SLC9A2: variants seen among roughly 807,000 people sequenced by gnomAD.
SLC9A2 encodes sodium/hydrogen exchanger 2.
A neutral mutation model predicts 71.7 loss-of-function variants in SLC9A2; 42 were observed. The observed-to-expected ratio is 0.59, with a 90% CI of 0.46 to 0.76. The LOEUF (loss-of-function observed/expected upper bound fraction) is 0.76. SLC9A2 is among the 30% of genes least tolerant of loss of function. SLC9A2 has a pLI of 0.00. For synonymous variants in SLC9A2, 396 were observed against 392.5 expected (o/e 1.01, Z -0.10); for missense variants, 829 against 1,017.4 (o/e 0.81, Z 2.52).
intron 3 of SLC9A2, among the ~76,000 whole-genome samples, chr2:102,678,445 T>C (rs1474955269): frequency 6.6e-6 from 1 of 152,138 alleles, no homozygotes; most frequent in South Asian, 2.1e-4. Context: ...AATAGTTTTA[T>C]TTTGAAGCTT....
intron 1 of SLC9A2, among the ~76,000 whole-genome samples, chr2:102,633,902 GCA>G (rs558467496): frequency 5.3e-4 from 80 of 152,130 alleles, no homozygotes; most frequent in Admixed American, 9.2e-4. Context: ...ATGTTTCATT[GCA>G]CACACATACA....
At chr2:102,694,945 G>A in intron 6 of SLC9A2, 98 bp from the exon 7 acceptor site, 1 of 963,854 alleles carries the variant, frequency 1.0e-6, no homozygotes, top group Non-Finnish European at 1.6e-6. Flanking sequence ...AGAAGCAAAA[G>A]CCATGAAGGT....
At position 102,710,591 on chromosome 2, in the gene SLC9A2, C is replaced by A. The variant is rs1276522787; in HGVS notation, c.*2102C>A. 6.6e-6 allele frequency: 1 copy of A among 152,152 alleles called. No homozygotes were observed. Among genetic ancestry groups the A allele is most frequent in the Non-Finnish European group, 1.5e-5 (1 of 68,016 alleles). The allele number at this position is 152,152 out of a possible 1,614,324, so 9.4% of individuals were successfully genotyped here. On this transcript the variant is annotated 3_prime_UTR_variant, in exon 12 of 12. Coordinates refer to ENST00000233969, the MANE Select transcript of SLC9A2 (RefSeq NM_003048.6). ...ACTATGTATAAAGGAAAACTTAAAT[C>A]TTAATTATTATCAGTTTAAATTTTT...
chr2:102,653,846 G>A (rs1047234070), intron 1 of SLC9A2, among the ~76,000 whole-genome samples: 30 of 152,142 alleles, frequency 2.0e-4, no homozygotes, highest in Admixed American at 1.8e-3. Flanking sequence ...GTTTTCTCTT[G>A]CCTTCTTACA....
At chr2:102,658,833 A>G (rs1676996602) in intron 2 of SLC9A2, among the ~76,000 whole-genome samples, 2 of 152,122 alleles carry the variant, frequency 1.3e-5, no homozygotes, top group African/African-American at 4.8e-5. Context: ...TGTGTCCACC[A>G]GTTAAAGACA....
At chr2:102,673,149 G>A (rs17027695) in intron 3 of SLC9A2, among the ~76,000 whole-genome samples, 8,817 of 152,058 alleles carry the variant, frequency 0.058, 511 homozygotes, top group African/African-American at 0.15. Flanking sequence ...GTGTCTTAGT[G>A]TCTTCTGGTA....
intron 10 of SLC9A2, 42 bp from the exon 11 acceptor site, chr2:102,705,804 C>A (rs763386652): frequency 3.4e-6 from 4 of 1,166,846 alleles, no homozygotes; most frequent in Non-Finnish European, 3.7e-6. Flanking sequence ...ACAATAAGTG[C>A]CATTTGTATA....
intron 1 of SLC9A2, among the ~76,000 whole-genome samples, chr2:102,638,626 A>G (rs1410573916): frequency 6.6e-6 from 1 of 152,210 alleles, no homozygotes; most frequent in African/African-American, 2.4e-5. Context: ...AGTGTTCCTT[A>G]TGCTCACTAA....
At chr2:102,660,134 A>G (rs1446756024) in intron 2 of SLC9A2, among the ~76,000 whole-genome samples, 1 of 152,184 alleles carries the variant, frequency 6.6e-6, no homozygotes, top group Non-Finnish European at 1.5e-5. Context: ...GGCCATCCAG[A>G]CACACACCCT....
At chr2:102,684,727 GA>G (rs1168362398) in intron 5 of SLC9A2, among the ~76,000 whole-genome samples, 2 of 152,208 alleles carry the variant, frequency 1.3e-5, no homozygotes, top group Non-Finnish European at 2.9e-5. Flanking sequence ...CCTAAATGAG[GA>G]ATGGATGAAT....
At chr2:102,658,920 A>T (rs1278140183) in intron 2 of SLC9A2, among the ~76,000 whole-genome samples, 1 of 152,180 alleles carries the variant, frequency 6.6e-6, no homozygotes, top group Non-Finnish European at 1.5e-5. Context: ...GCTCGGTAGT[A>T]GTAAAGGTGA....
intron 1 of SLC9A2, among the ~76,000 whole-genome samples, chr2:102,640,912 A>G (rs944246871): frequency 2.0e-5 from 3 of 152,190 alleles, no homozygotes; most frequent in Non-Finnish European, 4.4e-5. Context: ...GGATTCTGAA[A>G]GTCTTGTAAG....
chr2:102,637,119 G>A (rs1676482096), intron 1 of SLC9A2, among the ~76,000 whole-genome samples: 1 of 152,320 alleles, frequency 6.6e-6, no homozygotes, highest in South Asian at 2.1e-4. Context: ...TCATAGCTGT[G>A]AGACCTATAC....
intron 2 of SLC9A2, 137 bp from the exon 3 acceptor site, chr2:102,664,963 A>G: frequency 1.1e-6 from 1 of 905,986 alleles, no homozygotes; most frequent in Non-Finnish European, 1.7e-6. Flanking sequence ...AAATGAATAC[A>G]CAATGATTGT....
At chr2:102,644,184 G>A (rs914250212) in intron 1 of SLC9A2, among the ~76,000 whole-genome samples, 5 of 151,972 alleles carry the variant, frequency 3.3e-5, no homozygotes, top group African/African-American at 1.2e-4. Flanking sequence ...TGGAAGGCAA[G>A]CAGAAGCAGG....
chr2:102,667,409 C>A (rs184875543), intron 3 of SLC9A2, among the ~76,000 whole-genome samples: 1 of 152,218 alleles, frequency 6.6e-6, no homozygotes, highest in East Asian at 1.9e-4. Context: ...CTAGAACCCA[C>A]AAAGGAGCTA....
At chr2:102,677,106 A>T (rs1263325356) in intron 3 of SLC9A2, among the ~76,000 whole-genome samples, 1 of 152,250 alleles carries the variant, frequency 6.6e-6, no homozygotes, top group Non-Finnish European at 1.5e-5. Flanking sequence ...CATGCTAAGC[A>T]TTAGTCCATA....
At chr2:102,652,444 C>G (rs995644368) in intron 1 of SLC9A2, among the ~76,000 whole-genome samples, 1 of 152,142 alleles carries the variant, frequency 6.6e-6, no homozygotes, top group African/African-American at 2.4e-5. Context: ...CCAGCCTTTC[C>G]TCAAACCTGT....
At chr2:102,689,447 T>G (rs953631673) in intron 5 of SLC9A2, among the ~76,000 whole-genome samples, 1 of 152,186 alleles carries the variant, frequency 6.6e-6, no homozygotes, top group African/African-American at 2.4e-5. Flanking sequence ...AGCAATTACA[T>G]GAATCTTTGC....
Sources: allele counts gnomAD v4.1 joint callset (sites outside exome capture counted in the v4.1 genomes callset), GRCh38; gene constraint gnomAD v4.1.1; transcripts MANE v1.5; gene names NCBI Gene and HGNC (gene_info 2026-07-23, HGNC 2026-07-21).